Variants in WIPI2 observed in about 807,000 individuals in gnomAD.
The protein encoded by WIPI2 is WD repeat domain phosphoinositide-interacting protein 2.
A neutral mutation model predicts 52.3 loss-of-function variants in WIPI2; 28 were observed. The ratio of observed to expected loss-of-function variants is 0.54; its 90% confidence interval spans 0.40 to 0.73. The LOEUF is 0.73. Among genes scored for constraint, WIPI2 ranks in the 30% least tolerant of loss-of-function variants. The pLI is 0.00. For synonymous variants in WIPI2, 268 were observed against 245.0 expected, an observed-to-expected ratio of 1.09 and a Z score of -0.88; for missense variants, 506 against 602.9, an observed-to-expected ratio of 0.84 and a Z score of 1.68.
intron 3 of WIPI2, chr7:5,214,127 G>A (rs181866705): frequency 3.2e-4 from 148 of 455,784 alleles, no homozygotes; most frequent in African/African-American, 2.7e-3. Flanking sequence ...GTAGGCTAGC[G>A]CTCAGCACAT....
At chr7:5,213,929 C>T (rs1000695720) in intron 3 of WIPI2, among the ~76,000 whole-genome samples, 1 of 152,214 alleles carries the variant, frequency 6.6e-6, no homozygotes, top group Non-Finnish European at 1.5e-5. Flanking sequence ...TTGTGATCCA[C>T]CCACCTCGGC....
intron 2 of WIPI2, among the ~76,000 whole-genome samples, chr7:5,198,362 G>A (rs952841048): frequency 1.3e-5 from 2 of 150,010 alleles, no homozygotes; most frequent in African/African-American, 4.9e-5. Flanking sequence ...CACCCAGTCT[G>A]GAGTGCAGTG....
intron 3 of WIPI2, among the ~76,000 whole-genome samples, chr7:5,206,454 G>A (rs1447176167): frequency 1.2e-4 from 19 of 152,182 alleles, no homozygotes; most frequent in Admixed American, 1.1e-3. Flanking sequence ...AATATTTGCA[G>A]TTAAAAACGA....
chr7:5,198,151 C>G (rs187849196), intron 2 of WIPI2, among the ~76,000 whole-genome samples: 1 of 152,246 alleles, frequency 6.6e-6, no homozygotes, highest in African/African-American at 2.4e-5. Context: ...ATTCCAGACT[C>G]TAAGGTAGCT....
intron 3 of WIPI2, among the ~76,000 whole-genome samples, chr7:5,212,703 A>T (rs940109766): frequency 1.3e-5 from 2 of 152,176 alleles, no homozygotes; most frequent in Non-Finnish European, 2.9e-5. Context: ...TTTTTTGTAG[A>T]GATAGGACCT....
chr7:5,226,233 A>C, intron 9 of WIPI2: 1 of 340,582 alleles, frequency 2.9e-6, no homozygotes, highest in Non-Finnish European at 5.5e-6. Context: ...GGTTCCCCTC[A>C]CGACAAAAGC....
rs568662626 is a variant in WIPI2 at position 5,218,122 on chromosome 7, C to T, written c.669+108C>T. On this transcript the variant is annotated intron_variant, in intron 7 of 12. Coordinates refer to ENST00000288828, the MANE Select transcript of WIPI2 (RefSeq NM_015610.4). ...GGCAAGGTCCTATACTTACCAGCTC[C>T]GGGAGAAGCAAAGACAGCCACCCAC... is the stretch of plus-strand genomic sequence containing the variant. The T allele has an allele frequency of 1.8e-4, 223 of 1,207,894 alleles. 3 individuals carry two copies. In the South Asian group the frequency reaches 2.5e-3, roughly 14 times the overall value. 74.8% of individuals were successfully genotyped at this position (1,207,894 alleles called of 1,614,324 possible).
At chr7:5,204,463 A>G (rs1169155330) in intron 3 of WIPI2, among the ~76,000 whole-genome samples, 2 of 152,186 alleles carry the variant, frequency 1.3e-5, no homozygotes, top group Admixed American at 1.3e-4. Flanking sequence ...AAAAAATTAA[A>G]AATAAGAAAG....
chr7:5,190,704 C>G (rs1029136878), intron 1 of WIPI2: 2 of 409,958 alleles, frequency 4.9e-6, no homozygotes, highest in Non-Finnish European at 8.4e-6. Context: ...GCTGCGGTCC[C>G]GGAGCGGGAG....
chr7:5,228,085 T>A lies in WIPI2; in HGVS notation c.1014-19T>A. The stretch of plus-strand genomic sequence containing the variant: ...CTGTGACAGTTGTCTAGAATTTGGC[T>A]GCTCTTTATTCTCCCTAGAATTCAG... On this transcript the variant is annotated intron_variant, in intron 10 of 12. Transcript: ENST00000288828. 6.2e-7 allele frequency: 1 copy of A among 1,612,820 alleles called. No individual in the cohort carries two copies.
In WIPI2 at chr7:5,214,743, C is replaced by G. The variant is rs1782727083; in HGVS notation, c.381+39C>G. 3.7e-6 allele frequency: 6 copies of G among 1,606,854 alleles called. No individual in the cohort carries two copies. The East Asian group carries it at 1.3e-4, about 36-fold the overall frequency. ...CAGCTGGGTGTGGGCTTGTCTGTTG[C>G]TCCCTCCAGCACTCTGGGACAAGCC... On this transcript the variant is annotated intron_variant, in intron 4 of 12. Transcript: ENST00000288828.
intron 3 of WIPI2, among the ~76,000 whole-genome samples, chr7:5,213,680 GTTGT>G (rs1421287875): frequency 8.8e-5 from 4 of 45,640 alleles, no homozygotes; most frequent in African/African-American, 3.6e-4. Context: ...TGTTGTTGTT[GTTGT>G]TGTTGTTGTT....
chr7:5,205,510 T>A (rs1187399100), intron 3 of WIPI2, among the ~76,000 whole-genome samples: 3 of 152,194 alleles, frequency 2.0e-5, no homozygotes, highest in African/African-American at 4.8e-5. Context: ...TCTTTGCAGT[T>A]GGCCGTCACA....
chr7:5,210,336 C>A (rs1306233799), intron 3 of WIPI2, among the ~76,000 whole-genome samples: 1 of 152,248 alleles, frequency 6.6e-6, no homozygotes, highest in African/African-American at 2.4e-5. Context: ...CTCCTCGTTC[C>A]CAGACTCAGG....
intron 2 of WIPI2, 132 bp downstream of exon 2, chr7:5,193,303 T>C (rs1466492248): frequency 2.0e-6 from 3 of 1,509,346 alleles, no homozygotes; most frequent in South Asian, 1.3e-5. Context: ...AATGGAAATA[T>C]CAAGGACTAC....
Position 5,228,152 on chromosome 7 carries a change from G to A in WIPI2, c.1062G>A (p.Leu354=), listed in dbSNP as rs148438455. The change falls in exon 11 of 13, where the codon CTG becomes CTA. Residue 354 remains leucine (L), a synonymous_variant. Transcript: ENST00000288828. ...RLLVGAADGY[L]YMYNLDPQEG... is the part of the protein sequence containing the mutation. The stretch of plus-strand genomic sequence containing the variant: ...TGGTGGGTGCCGCCGACGGGTACCT[G>A]TACATGTACAACCTGGACCCCCAGG... 6.2e-7 allele frequency: 1 copy of A among 1,613,860 alleles called. No homozygotes were observed. Among genetic ancestry groups the A allele is most frequent in the Non-Finnish European group, 8.5e-7 (1 of 1,180,028 alleles).
At chr7:5,215,483 C>T (rs1782769620) in intron 4 of WIPI2, among the ~76,000 whole-genome samples, 1 of 152,218 alleles carries the variant, frequency 6.6e-6, no homozygotes, top group Admixed American at 6.5e-5. Flanking sequence ...GTGTGTGTCT[C>T]CCAGCTTGTG....
At chr7:5,206,452 C>T (rs1160202518) in intron 3 of WIPI2, among the ~76,000 whole-genome samples, 1 of 152,164 alleles carries the variant, frequency 6.6e-6, no homozygotes, top group Non-Finnish European at 1.5e-5. Flanking sequence ...TGAATATTTG[C>T]AGTTAAAAAC....
intron 3 of WIPI2, among the ~76,000 whole-genome samples, chr7:5,212,342 C>G (rs1301869692): frequency 6.6e-6 from 1 of 152,150 alleles, no homozygotes; most frequent in Non-Finnish European, 1.5e-5. Context: ...TGCAACCGGG[C>G]CAGTGCGTGC....
Sources: gnomAD v4.1 joint callset for allele counts (sites outside exome capture counted in the v4.1 genomes callset) on GRCh38, gnomAD v4.1.1 for gene constraint, MANE v1.5 for transcripts, NCBI Gene and HGNC (gene_info 2026-07-23, HGNC 2026-07-21) for gene names.